MICAL2: variants seen among roughly 807,000 people sequenced by gnomAD.
The protein encoded by MICAL2 is microtubule associated monooxygenase, calponin and LIM domain containing 2, also known as [F-actin]-monooxygenase MICAL2.
A neutral mutation model predicts 127.3 loss-of-function variants in MICAL2; 77 were observed. The observed-to-expected ratio is 0.60, with a 90% CI of 0.50 to 0.73. MICAL2 has a LOEUF of 0.73. Ranked by LOEUF, MICAL2 falls within the 30% of genes least tolerant of loss-of-function variation. MICAL2 has a pLI of 0.00. For missense variants in MICAL2, 1,351 were observed against 1,434.4 expected (o/e 0.94, Z 0.94); for synonymous variants, 570 against 551.1 (o/e 1.03, Z -0.48).
intron 32 of MICAL2, among the ~76,000 whole-genome samples, chr11:12,334,493 C>T (rs1002468568): frequency 6.6e-6 from 1 of 151,084 alleles, no homozygotes; most frequent in Non-Finnish European, 1.5e-5. Flanking sequence ...GGTACATGTG[C>T]GCAACGTGCA....
At chr11:12,322,034 T>G (rs1864305031) in intron 30 of MICAL2, among the ~76,000 whole-genome samples, 1 of 152,140 alleles carries the variant, frequency 6.6e-6, no homozygotes, top group South Asian at 2.1e-4. Flanking sequence ...CTCTGCCTAT[T>G]AATAATTGCA....
rs1857509009 is a variant in MICAL2, at chr11:12,181,761, T to C, written c.264+19342T>C. 2.6e-5 allele frequency among the ~76,000 whole-genome samples: 4 copies of C among 152,382 alleles called. No homozygotes were observed. The South Asian group carries it at 8.3e-4, about 32-fold the overall frequency. On this transcript the variant is annotated intron_variant, in intron 3 of 27. Transcript: ENST00000683283. The stretch of plus-strand genomic sequence containing the variant: ...ATTCAATAAATCGCAACTGCTATTA[T>C]TTTGTCCTACAGGTTTAAGGAAAAG...
intron 32 of MICAL2, among the ~76,000 whole-genome samples, chr11:12,337,664 C>T (rs1044546521): frequency 1.3e-5 from 2 of 151,752 alleles, no homozygotes; most frequent in Admixed American, 6.6e-5. Flanking sequence ...TCTTTGTTCT[C>T]GTTGGTTTCA....
At chr11:12,148,937 T>C (rs11022212) in intron 2 of MICAL2, among the ~76,000 whole-genome samples, 21,072 of 152,182 alleles carry the variant, frequency 0.14, 1,736 homozygotes, top group Admixed American at 0.18. Flanking sequence ...ATTATACCCA[T>C]TTTATGGATG....
intron 11 of MICAL2, 124 bp downstream of exon 11, chr11:12,222,867 C>T: frequency 8.1e-7 from 1 of 1,235,196 alleles, no homozygotes; most frequent in Non-Finnish European, 1.1e-6. Context: ...GGCCTGCTGG[C>T]CTAATGGTGG....
intron 3 of MICAL2, among the ~76,000 whole-genome samples, chr11:12,172,100 C>G (rs1856339546): frequency 6.6e-6 from 1 of 152,136 alleles, no homozygotes; most frequent in African/African-American, 2.4e-5. Context: ...ACCTTGTAGT[C>G]ACAAGGTGGC....
At chr11:12,317,037 G>T (rs577570961) in intron 29 of MICAL2, among the ~76,000 whole-genome samples, 17 of 152,084 alleles carry the variant, frequency 1.1e-4, no homozygotes, top group Non-Finnish European at 2.2e-4. Context: ...GCAGCTATTT[G>T]CCCAACCTCA....
At chr11:12,291,977 C>CCATT (rs1205660473), downstream of MICAL2, among the ~76,000 whole-genome samples, 1 of 152,206 alleles carries the variant, frequency 6.6e-6, no homozygotes, top group East Asian at 1.9e-4. Context: ...ACTGCTCTAC[C>CCATT]CATTCCTCTG....
chr11:12,148,801 C>T (rs1323036604), intron 2 of MICAL2, among the ~76,000 whole-genome samples: 1 of 144,642 alleles, frequency 6.9e-6, no homozygotes, highest in East Asian at 2.3e-4. Context: ...CCCCAGAGTA[C>T]AGTGTAGAAA....
downstream of MICAL2, chr11:12,292,177 T>C (rs748669245): frequency 5.0e-6 from 8 of 1,613,952 alleles, no homozygotes; most frequent in Non-Finnish European, 6.8e-6. Flanking sequence ...CTATGTCACC[T>C]CCTAAGGACC....
At position 12,261,229 on chromosome 11, in the gene MICAL2, G is replaced by T. The variant is rs578017015; in HGVS notation, c.3335-1251G>T. 21 of 985,516 alleles carry T rather than the reference G, an allele frequency of 2.1e-5. No individual in the cohort carries two copies. In the African/African-American group the frequency reaches 3.7e-4, roughly 17 times the overall value. The allele number at this position is 985,516 out of a possible 1,614,324, so 61.0% of individuals were successfully genotyped here. On this transcript the variant is annotated intron_variant, in intron 26 of 27. Transcript: ENST00000683283. Reference sequence around the variant, plus strand: ...GACATCCTGACTGCTTAGCTGCTCCGCTGCCACACATATGTGGTCAAAACA... The same window carrying T: ...GACATCCTGACTGCTTAGCTGCTCCTCTGCCACACATATGTGGTCAAAACA...
At chr11:12,301,359 T>G (rs1346826690) in intron 29 of MICAL2, among the ~76,000 whole-genome samples, 1 of 152,222 alleles carries the variant, frequency 6.6e-6, no homozygotes, top group African/African-American at 2.4e-5. Context: ...CTCCATTTTA[T>G]TCCATTGTAT....
At chr11:12,331,310 G>A (rs1019872816) in intron 32 of MICAL2, among the ~76,000 whole-genome samples, 1 of 152,218 alleles carries the variant, frequency 6.6e-6, no homozygotes, top group Admixed American at 6.5e-5. Flanking sequence ...CCCCAGGGGA[G>A]GTCGATGAGA....
At chr11:12,156,560 G>A (rs1854203749) in intron 2 of MICAL2, among the ~76,000 whole-genome samples, 1 of 152,180 alleles carries the variant, frequency 6.6e-6, no homozygotes, top group Admixed American at 6.5e-5. Context: ...TTACCAAGAA[G>A]ACAAAGTGGC....
At chr11:12,302,339 C>G (rs998123104) in intron 29 of MICAL2, among the ~76,000 whole-genome samples, 7 of 152,270 alleles carry the variant, frequency 4.6e-5, no homozygotes, top group Non-Finnish European at 1.0e-4. Context: ...TACTATCAAA[C>G]AGTTTTGCAA....
rs147787858 is a variant in MICAL2 at position 12,198,233 on chromosome 11, T to C, written c.265-6017T>C. The stretch of plus-strand genomic sequence containing the variant: ...TTAACCTTCCTGAGCTCCAGTTTCC[T>C]ATGTGCCAAATGATGATGAATATGC... On this transcript the variant is annotated intron_variant, in intron 3 of 27. Transcript: ENST00000683283. 2.0e-3 allele frequency among the ~76,000 whole-genome samples: 310 copies of C among 152,330 alleles called. 5 individuals are homozygous for C. In the Middle Eastern group the frequency reaches 0.02, roughly 10 times the overall value.
At chr11:12,313,880 G>T (rs1391259102) in intron 29 of MICAL2, among the ~76,000 whole-genome samples, 4 of 148,234 alleles carry the variant, frequency 2.7e-5, no homozygotes, top group African/African-American at 9.9e-5. Context: ...GATTGTTATA[G>T]TATACTTTTG....
At chr11:12,309,214 T>G (rs1290657482) in intron 29 of MICAL2, among the ~76,000 whole-genome samples, 1 of 152,232 alleles carries the variant, frequency 6.6e-6, no homozygotes, top group Non-Finnish European at 1.5e-5. Context: ...TCTAGCTATT[T>G]TGAAATTTAC....
chr11:12,357,041 G>A (rs1392538397), intron 34 of MICAL2, among the ~76,000 whole-genome samples: 1 of 152,216 alleles, frequency 6.6e-6, no homozygotes, highest in East Asian at 1.9e-4. Context: ...CTAACCCTCT[G>A]CCCCTCCTGC....
Sources: allele counts gnomAD v4.1 joint callset (sites outside exome capture counted in the v4.1 genomes callset), GRCh38; gene constraint gnomAD v4.1.1; transcripts MANE v1.5; gene names NCBI Gene and HGNC (gene_info 2026-07-23, HGNC 2026-07-21).